DOK6: variants seen among roughly 807,000 people sequenced by gnomAD.
The protein encoded by DOK6 is docking protein 6.
DOK6 carries 22 observed loss-of-function variants against 44.0 expected under a neutral mutation model. The observed-to-expected ratio is 0.50, with a 90% confidence interval of 0.36 to 0.71. The LOEUF (loss-of-function observed/expected upper bound fraction) is 0.71. DOK6 is among the 30% of genes least tolerant of loss of function. The probability of loss-of-function intolerance (pLI) is 0.00; values close to 1 mark genes in which losing one functional copy is unlikely to be tolerated. For missense variants in DOK6, 340 were observed against 416.4 expected (o/e 0.82, Z 1.60); for synonymous variants, 166 against 145.5 (o/e 1.14, Z -1.01).
chr18:69,707,393 G>A (rs973698989), intron 5 of DOK6, among the ~76,000 whole-genome samples: 23 of 152,204 alleles, frequency 1.5e-4, no homozygotes, highest in Non-Finnish European at 2.8e-4. Context: ...GTTATCACAA[G>A]TTCTACTAAG....
intron 7 of DOK6, among the ~76,000 whole-genome samples, chr18:69,801,882 G>A (rs1980914693): frequency 6.6e-6 from 1 of 152,040 alleles, no homozygotes; most frequent in Non-Finnish European, 1.5e-5. Flanking sequence ...AAGAAAGTAG[G>A]GCTTATATAG....
chr18:69,549,556 A>G (rs549078397), intron 1 of DOK6, among the ~76,000 whole-genome samples: 16 of 151,812 alleles, frequency 1.1e-4, no homozygotes, highest in Admixed American at 3.9e-4. Flanking sequence ...TTGATTAGGC[A>G]TTTAATTTAA....
chr18:69,743,122 A>C (rs763048657), intron 6 of DOK6, among the ~76,000 whole-genome samples: 1 of 152,244 alleles, frequency 6.6e-6, no homozygotes, highest in Non-Finnish European at 1.5e-5. Context: ...ACTACAAACC[A>C]GTCTAATTTT....
At position 69,845,540 on chromosome 18, in the gene DOK6, G is replaced by A. The variant is rs1444174518; in HGVS notation, c.*4157G>A. 2.0e-5 allele frequency: 3 copies of A among 152,204 alleles called. No homozygotes were observed. The highest frequency in any genetic ancestry group is 4.4e-5 in the Non-Finnish European group (3 of 68,036). 9.4% of individuals were successfully genotyped at this position (152,204 alleles called of 1,614,324 possible). A position where few individuals can be genotyped will look rare whatever the true frequency, so the allele number is the denominator to read the frequency against. ...GCAATTTATGGGGTGTGTGTTTGCA[G>A]ACTATGAAATGTATGAAGTGCAGTC... On this transcript the variant is annotated 3_prime_UTR_variant, in exon 8 of 8. Coordinates refer to ENST00000382713, the MANE Select transcript of DOK6 (RefSeq NM_152721.6).
At chr18:69,460,414 A>C (rs992680984) in intron 1 of DOK6, among the ~76,000 whole-genome samples, 4 of 152,306 alleles carry the variant, frequency 2.6e-5, no homozygotes, top group African/African-American at 9.6e-5. Context: ...ATATCAATAA[A>C]ATATACATAT....
intron 1 of DOK6, among the ~76,000 whole-genome samples, chr18:69,428,980 G>A (rs1047939215): frequency 6.6e-6 from 1 of 152,132 alleles, no homozygotes; most frequent in Non-Finnish European, 1.5e-5. Context: ...TTTAGTGTCT[G>A]TTGCTTTTCA....
chr18:69,703,128 G>T (rs1406697955), intron 5 of DOK6, among the ~76,000 whole-genome samples: 1 of 151,952 alleles, frequency 6.6e-6, no homozygotes, highest in African/African-American at 2.4e-5. Context: ...AAAGGCACTA[G>T]GTTCCTAAAC....
intron 5 of DOK6, among the ~76,000 whole-genome samples, chr18:69,704,475 CTTTTTTTTT>C (rs10685670): frequency 4.7e-5 from 5 of 107,168 alleles, no homozygotes; most frequent in East Asian, 5.6e-4. Context: ...CCAGATATGA[CTTTTTTTTT>C]TTTTTTTTTT....
intron 1 of DOK6, among the ~76,000 whole-genome samples, chr18:69,553,480 T>C (rs1442763216): frequency 6.6e-6 from 1 of 152,170 alleles, no homozygotes; most frequent in Non-Finnish European, 1.5e-5. Context: ...AAACAGAGGC[T>C]TTGGAGACAG....
chr18:69,649,827 T>C (rs1985176319), intron 3 of DOK6, among the ~76,000 whole-genome samples: 1 of 152,116 alleles, frequency 6.6e-6, no homozygotes, highest in South Asian at 2.1e-4. Flanking sequence ...AGTATATAAA[T>C]CTTTATGAAA....
chr18:69,630,250 A>G (rs1200185952), intron 3 of DOK6, among the ~76,000 whole-genome samples: 1 of 152,130 alleles, frequency 6.6e-6, no homozygotes, highest in Non-Finnish European at 1.5e-5. Flanking sequence ...AAGACCTAAC[A>G]CTTGACCATT....
At chr18:69,709,198 G>T (rs1986703819) in intron 5 of DOK6, among the ~76,000 whole-genome samples, 2 of 152,170 alleles carry the variant, frequency 1.3e-5, no homozygotes, top group Middle Eastern at 3.4e-3. Context: ...TTACTTTAAT[G>T]GTGGTAATAA....
chr18:69,812,051 G>A (rs1014467449), intron 7 of DOK6, among the ~76,000 whole-genome samples: 9 of 151,402 alleles, frequency 5.9e-5, no homozygotes, highest in Non-Finnish European at 1.0e-4. Flanking sequence ...ATACATACTC[G>A]AATAAATTTA....
chr18:69,491,338 A>AGTG (rs1199102622), intron 1 of DOK6, among the ~76,000 whole-genome samples: 1 of 152,174 alleles, frequency 6.6e-6, no homozygotes, highest in Non-Finnish European at 1.5e-5. Context: ...GATTGGCTAA[A>AGTG]GTGCCCTTCA....
intron 1 of DOK6, among the ~76,000 whole-genome samples, chr18:69,479,364 G>A (rs1980355744): frequency 6.6e-6 from 1 of 152,080 alleles, no homozygotes; most frequent in African/African-American, 2.4e-5. Context: ...TACATTTCAT[G>A]GTATGGGCTA....
At chr18:69,598,125 A>G (rs533824897) in intron 2 of DOK6, among the ~76,000 whole-genome samples, 58 of 152,238 alleles carry the variant, frequency 3.8e-4, no homozygotes, top group African/African-American at 1.2e-3. Flanking sequence ...GTAATGTTAA[A>G]TACAGATATA....
At chr18:69,427,614 C>T (rs942152306) in intron 1 of DOK6, among the ~76,000 whole-genome samples, 3 of 152,090 alleles carry the variant, frequency 2.0e-5, no homozygotes, top group South Asian at 2.1e-4. Context: ...GGTATATGCC[C>T]GAAGGAATAC....
intron 5 of DOK6, among the ~76,000 whole-genome samples, chr18:69,708,825 T>G (rs1428989357): frequency 6.6e-6 from 1 of 150,514 alleles, no homozygotes; most frequent in Non-Finnish European, 1.5e-5. Context: ...AACAAGGGCT[T>G]TGAAAGCTGT....
chr18:69,432,060 TGAAAA>T (rs1328883085), intron 1 of DOK6, among the ~76,000 whole-genome samples: 1 of 152,210 alleles, frequency 6.6e-6, no homozygotes, highest in African/African-American at 2.4e-5. Context: ...AAAGAAAATT[TGAAAA>T]GAAATTACAA....
Sources: gnomAD v4.1 joint callset for allele counts (sites outside exome capture counted in the v4.1 genomes callset) on GRCh38, gnomAD v4.1.1 for gene constraint, MANE v1.5 for transcripts, NCBI Gene and HGNC (gene_info 2026-07-23, HGNC 2026-07-21) for gene names.